Variants in SPIN1 observed in about 807,000 individuals in gnomAD.
The protein encoded by SPIN1 is spindlin-1.
SPIN1 carries 3 observed loss-of-function variants against 26.0 expected under a neutral mutation model. The ratio of observed to expected loss-of-function variants is 0.12; its 90% confidence interval spans 0.05 to 0.30. The LOEUF (loss-of-function observed/expected upper bound fraction) is 0.30, where lower values mean the gene tolerates loss of function less well. Ranked by LOEUF, SPIN1 falls within the 10% of genes least tolerant of loss-of-function variation. The pLI is 1.00. For synonymous variants in SPIN1, 101 were observed against 116.5 expected, an observed-to-expected ratio of 0.87 and a Z score of 0.86; for missense variants, 126 against 333.4, an observed-to-expected ratio of 0.38 and a Z score of 4.84.
chr9:88,390,423 G>T (rs1007000473), intron 1 of SPIN1, among the ~76,000 whole-genome samples: 9 of 152,232 alleles, frequency 5.9e-5, no homozygotes, highest in African/African-American at 1.7e-4. Flanking sequence ...TTAGCTGCCA[G>T]AGGTTTAGGT....
intron 1 of SPIN1, among the ~76,000 whole-genome samples, chr9:88,390,846 T>TA (rs35634188): frequency 6.6e-6 from 1 of 152,148 alleles, no homozygotes; most frequent in African/African-American, 2.4e-5. Flanking sequence ...AGCCTTTTTT[T>TA]AAAAAAAGTT....
chr9:88,462,541 C>T lies in SPIN1; in HGVS notation c.147C>T (p.Pro49=), dbSNP rs756045820. 6.2e-7 allele frequency: 1 copy of T among 1,614,014 alleles called. No homozygotes were observed. Among genetic ancestry groups the T allele is most frequent in the Non-Finnish European group, 8.5e-7 (1 of 1,179,966 alleles). ...GTCCGAGCAAACCTGTTTCCCAGCC[C>T]CGGCGGAACATCGTAGGCTGCAGGA... ...SVGPSKPVSQ[P]RRNIVGCRIQ... Residue 49 remains proline, a synonymous_variant, in exon 4 of 6, where the codon CCC becomes CCT. Transcript: ENST00000375859.
In SPIN1 at chr9:88,475,388, C is replaced by G; in HGVS notation, c.*111C>G. On this transcript the variant is annotated 3_prime_UTR_variant, in exon 6 of 6. Transcript: ENST00000375859. The stretch of plus-strand genomic sequence containing the variant: ...GAAAGCTTAAATGTCCCTGCGAACC[C>G]ACAATCTCTGCCAGCAGAACTGGTT... 1.8e-6 allele frequency: 2 copies of G among 1,103,102 alleles called. No individual in the cohort carries two copies. Among genetic ancestry groups the G allele is most frequent in the Non-Finnish European group, 2.6e-6 (2 of 767,938 alleles). The allele number at this position is 1,103,102 out of a possible 1,614,324, so 68.3% of individuals were successfully genotyped here. A position where few individuals can be genotyped will look rare whatever the true frequency, so the allele number is the denominator to read the frequency against.
At chr9:88,437,408 G>A (rs1828026455) in intron 2 of SPIN1, among the ~76,000 whole-genome samples, 2 of 151,784 alleles carry the variant, frequency 1.3e-5, no homozygotes, top group Admixed American at 6.6e-5. Flanking sequence ...TGAGGCGGGA[G>A]GATGGCTTGA....
At chr9:88,406,000 TGTGTCTGTG>T (rs1827299133) in intron 1 of SPIN1, among the ~76,000 whole-genome samples, 1 of 84,278 alleles carries the variant, frequency 1.2e-5, no homozygotes, top group African/African-American at 9.6e-5. Context: ...GCCTGGCTTG[TGTGTCTGTG>T]TGTGTGTGTG....
intron 1 of SPIN1, chr9:88,418,808 CTG>C (rs1490399973): frequency 1.3e-5 from 2 of 152,182 alleles, no homozygotes; most frequent in Non-Finnish European, 2.9e-5. Flanking sequence ...TAGTTGCAGT[CTG>C]TGTGACCCTG....
intron 1 of SPIN1, among the ~76,000 whole-genome samples, chr9:88,390,506 C>A (rs1305770559): frequency 6.6e-6 from 1 of 152,188 alleles, no homozygotes; most frequent in Non-Finnish European, 1.5e-5. Flanking sequence ...TCATTGCTAG[C>A]ATCTTTTTTC....
At chr9:88,422,164 T>C (rs1371240868) in intron 1 of SPIN1, among the ~76,000 whole-genome samples, 1 of 152,214 alleles carries the variant, frequency 6.6e-6, no homozygotes, top group East Asian at 1.9e-4. Flanking sequence ...ACCTTTCTCT[T>C]GATAGTTTTA....
At chr9:88,447,691 T>C (rs910114967) in intron 2 of SPIN1, among the ~76,000 whole-genome samples, 1 of 152,226 alleles carries the variant, frequency 6.6e-6, no homozygotes, top group African/African-American at 2.4e-5. Context: ...TTTTTGAGCT[T>C]CCCTTCTGAG....
chr9:88,452,720 G>T (rs1338827421), intron 3 of SPIN1, among the ~76,000 whole-genome samples: 3 of 152,234 alleles, frequency 2.0e-5, no homozygotes, highest in Non-Finnish European at 4.4e-5. Context: ...AATCTGGGAA[G>T]TGACAGTACT....
chr9:88,411,372 T>A, intron 1 of SPIN1: 1 of 1,583,854 alleles, frequency 6.3e-7, no homozygotes, highest in Non-Finnish European at 8.6e-7. Flanking sequence ...AAATGGCTCC[T>A]CAGGCTCTCA....
intron 1 of SPIN1, among the ~76,000 whole-genome samples, chr9:88,416,437 C>T (rs1005080693): frequency 5.3e-5 from 8 of 151,978 alleles, no homozygotes; most frequent in African/African-American, 9.7e-5. Context: ...GGGATCCTCC[C>T]ACCTCAGCCT....
chr9:88,410,287 A>C (rs556634358), intron 1 of SPIN1, among the ~76,000 whole-genome samples: 1 of 151,826 alleles, frequency 6.6e-6, no homozygotes, highest in Non-Finnish European at 1.5e-5. Flanking sequence ...CTACATTAAA[A>C]CCTTTTGTTG....
intron 2 of SPIN1, among the ~76,000 whole-genome samples, chr9:88,433,288 G>A (rs1454091280): frequency 6.6e-6 from 1 of 152,090 alleles, no homozygotes; most frequent in Admixed American, 6.5e-5. Context: ...TCGCCATGTT[G>A]CCCAGGCTGG....
intron 4 of SPIN1, among the ~76,000 whole-genome samples, chr9:88,464,988 T>C (rs1828635779): frequency 6.6e-6 from 1 of 152,228 alleles, no homozygotes. Context: ...AGATATCTCA[T>C]AGAAGTGGAA....
chr9:88,410,341 A>G (rs1367471131), intron 1 of SPIN1, among the ~76,000 whole-genome samples: 1 of 152,206 alleles, frequency 6.6e-6, no homozygotes, highest in Non-Finnish European at 1.5e-5. Context: ...AACCTGTTAT[A>G]CAATTAGTCA....
Position 88,454,043 on chromosome 9 carries a change from C to T in SPIN1, c.101+5054C>T, listed in dbSNP as rs1828418864. Among the ~76,000 whole-genome samples the T allele has an allele frequency of 2.6e-5, 4 of 152,142 alleles. No individual in the cohort carries two copies. In the South Asian group the frequency reaches 8.3e-4, roughly 32 times the overall value. On this transcript the variant is annotated intron_variant, in intron 3 of 5. Transcript: ENST00000375859. ...TTTTATTTTTTTTCTGGAATTGTTT[C>T]AAGAAATAGCTTCTGGAGTTACGAA...
At chr9:88,390,317 G>T (rs965505735) in intron 1 of SPIN1, among the ~76,000 whole-genome samples, 4 of 152,156 alleles carry the variant, frequency 2.6e-5, no homozygotes, top group African/African-American at 7.2e-5. Flanking sequence ...GAACTGAGGG[G>T]TCACAATATT....
intron 4 of SPIN1, among the ~76,000 whole-genome samples, chr9:88,464,219 T>C (rs898782854): frequency 1.3e-5 from 2 of 152,266 alleles, no homozygotes; most frequent in African/African-American, 2.4e-5. Context: ...ATAGTTGTTA[T>C]TAATTTTAGT....
Sources: allele counts gnomAD v4.1 joint callset (sites outside exome capture counted in the v4.1 genomes callset), GRCh38; gene constraint gnomAD v4.1.1; transcripts MANE v1.5; gene names NCBI Gene and HGNC (gene_info 2026-07-23, HGNC 2026-07-21).